Variants in MAP3K20 observed in about 807,000 individuals in gnomAD.
The protein encoded by MAP3K20 is HCCS-4.
MAP3K20 carries 40 observed loss-of-function variants against 85.7 expected under a neutral mutation model. The ratio of observed to expected loss-of-function variants is 0.47; its 90% confidence interval spans 0.36 to 0.61. The LOEUF is 0.61. Ranked by LOEUF, MAP3K20 falls within the 20% of genes least tolerant of loss-of-function variation. The pLI, the probability that MAP3K20 is intolerant of heterozygous loss-of-function variation, is 0.00. For synonymous variants in MAP3K20, 325 were observed against 327.7 expected (o/e 0.99, Z 0.09); for missense variants, 817 against 961.7 (o/e 0.85, Z 1.99).
At chr2:173,096,994 A>G (rs1692099341) in intron 2 of MAP3K20, among the ~76,000 whole-genome samples, 1 of 152,196 alleles carries the variant, frequency 6.6e-6, no homozygotes, top group Non-Finnish European at 1.5e-5. Flanking sequence ...GCAGAAAGAC[A>G]TTGTGACTGC....
intron 12 of MAP3K20, among the ~76,000 whole-genome samples, chr2:173,231,948 T>C (rs1684532242): frequency 6.6e-6 from 1 of 152,136 alleles, no homozygotes; most frequent in Non-Finnish European, 1.5e-5. Context: ...GATTTAAAAA[T>C]ATCTCCCAAA....
At chr2:173,221,916 C>G in intron 11 of MAP3K20, 3 of 989,676 alleles carry the variant, frequency 3.0e-6, no homozygotes, top group Non-Finnish European at 3.6e-6. Context: ...TGAACAAACA[C>G]TCTTAACTCC....
chr2:173,108,517 G>T (rs116173220), intron 2 of MAP3K20, among the ~76,000 whole-genome samples: 4,927 of 152,236 alleles, frequency 0.032, 281 homozygotes, highest in African/African-American at 0.11. Flanking sequence ...TCTCACTTAG[G>T]AATCATTGTT....
intron 2 of MAP3K20, among the ~76,000 whole-genome samples, chr2:173,140,068 A>C (rs1034238190): frequency 6.6e-6 from 1 of 151,760 alleles, no homozygotes; most frequent in East Asian, 1.9e-4. Flanking sequence ...CAGGAGTGCA[A>C]TGGCGCAATC....
intron 2 of MAP3K20, among the ~76,000 whole-genome samples, chr2:173,158,302 A>G (rs978755185): frequency 3.3e-5 from 5 of 152,194 alleles, no homozygotes; most frequent in Admixed American, 6.5e-5. Context: ...AAAAATGTTT[A>G]GAAGGACCTA....
intron 11 of MAP3K20, among the ~76,000 whole-genome samples, chr2:173,218,883 C>T (rs1160304423): frequency 6.6e-6 from 1 of 152,094 alleles, no homozygotes; most frequent in Non-Finnish European, 1.5e-5. Flanking sequence ...TCTGTGTGCT[C>T]GGTAGGTTGC....
chr2:173,238,276 C>A, intron 14 of MAP3K20, 97 bp from the exon 15 acceptor site: 1 of 989,550 alleles, frequency 1.0e-6, no homozygotes, highest in Non-Finnish European at 1.5e-6. Context: ...ATTTTATGAA[C>A]TAGGTAAATA....
At chr2:173,130,277 A>G (rs528898741) in intron 2 of MAP3K20, among the ~76,000 whole-genome samples, 21 of 152,342 alleles carry the variant, frequency 1.4e-4, no homozygotes, top group Middle Eastern at 6.8e-3. Context: ...ATGGAAAACA[A>G]TTGTCTAGAC....
At chr2:173,135,039 G>GT (rs1017105245) in intron 2 of MAP3K20, among the ~76,000 whole-genome samples, 60 of 152,286 alleles carry the variant, frequency 3.9e-4, no homozygotes, top group African/African-American at 1.4e-3. Context: ...TTGGCATATA[G>GT]TAAGTGTTCG....
intron 2 of MAP3K20, among the ~76,000 whole-genome samples, chr2:173,141,350 G>T (rs2106213884): frequency 6.6e-6 from 1 of 152,250 alleles, no homozygotes; most frequent in Middle Eastern, 3.4e-3. Context: ...ACCATGGTTA[G>T]AATGAGAGAG....
intron 10 of MAP3K20, among the ~76,000 whole-genome samples, chr2:173,213,038 C>CTATTT (rs1445368992): frequency 6.6e-6 from 1 of 151,852 alleles, no homozygotes; most frequent in East Asian, 1.9e-4. Context: ...TAGAATGTTT[C>CTATTT]TATTTTTTAT....
chr2:173,171,802 A>G (rs918763937), intron 3 of MAP3K20, among the ~76,000 whole-genome samples: 1 of 152,336 alleles, frequency 6.6e-6, no homozygotes, highest in East Asian at 1.9e-4. Flanking sequence ...CTGGCTTTAC[A>G]TTGTTTAGTT....
intron 2 of MAP3K20, among the ~76,000 whole-genome samples, chr2:173,134,822 T>A (rs1204418011): frequency 6.6e-6 from 1 of 152,110 alleles, no homozygotes; most frequent in Non-Finnish European, 1.5e-5. Flanking sequence ...ACAGGGATCT[T>A]ACAGTCAAAC....
At chr2:173,096,375 T>G (rs1005854356) in intron 2 of MAP3K20, among the ~76,000 whole-genome samples, 7 of 151,050 alleles carry the variant, frequency 4.6e-5, no homozygotes, top group Non-Finnish European at 7.4e-5. Context: ...AGTCTCGCTC[T>G]TTTGCCCAGG....
chr2:173,172,827 T>A (rs1690038878), intron 3 of MAP3K20, among the ~76,000 whole-genome samples: 1 of 151,036 alleles, frequency 6.6e-6, no homozygotes, highest in Non-Finnish European at 1.5e-5. Flanking sequence ...TGAGACGGAG[T>A]CTTGCTGTGT....
At chr2:173,232,031 T>A (rs567539914) in intron 12 of MAP3K20, among the ~76,000 whole-genome samples, 161 bp from the exon 13 acceptor site, 2 of 152,328 alleles carry the variant, frequency 1.3e-5, no homozygotes, top group Admixed American at 6.5e-5. Flanking sequence ...TTTGAAAGCT[T>A]GAGGTTTTAA....
At chr2:173,258,341 A>G (rs1036953661) in intron 16 of MAP3K20, among the ~76,000 whole-genome samples, 1 of 152,162 alleles carries the variant, frequency 6.6e-6, no homozygotes, top group African/African-American at 2.4e-5. Flanking sequence ...TGTTCCTACA[A>G]TGTTTAATAT....
intron 2 of MAP3K20, among the ~76,000 whole-genome samples, chr2:173,148,629 G>T (rs1471779564): frequency 6.6e-6 from 1 of 152,180 alleles, no homozygotes; most frequent in Non-Finnish European, 1.5e-5. Context: ...ATAAAGAAAA[G>T]CATCCCTTCC....
chr2:173,112,832 A>C (rs951901069), intron 2 of MAP3K20, among the ~76,000 whole-genome samples: 2 of 152,018 alleles, frequency 1.3e-5, no homozygotes, highest in Non-Finnish European at 2.9e-5. Flanking sequence ...TATTTCGTTA[A>C]GGATTTTAGC....
Sources: allele counts gnomAD v4.1 joint callset (sites outside exome capture counted in the v4.1 genomes callset), GRCh38; gene constraint gnomAD v4.1.1; transcripts MANE v1.5; gene names NCBI Gene and HGNC (gene_info 2026-07-23, HGNC 2026-07-21).